MYO16: variants seen among roughly 807,000 people sequenced by gnomAD.
MYO16 encodes myosin XVI, also known as unconventional myosin-XVI.
In MYO16, 94 loss-of-function variants were observed where a neutral mutation model predicts 205.3. The observed-to-expected ratio is 0.46, with a 90% confidence interval of 0.39 to 0.54. The LOEUF (loss-of-function observed/expected upper bound fraction) is 0.54. Ranked by LOEUF, MYO16 falls within the 20% of genes least tolerant of loss-of-function variation. The pLI is 0.00. For synonymous variants in MYO16, 988 were observed against 954.0 expected (o/e 1.04, Z -0.66); for missense variants, 2,315 against 2,387.5 (o/e 0.97, Z 0.63).
At chr13:108,625,223 C>T (rs1422573897), upstream of MYO16, among the ~76,000 whole-genome samples, 1 of 152,162 alleles carries the variant, frequency 6.6e-6, no homozygotes, top group Non-Finnish European at 1.5e-5. Context: ...CTGAAGTGAA[C>T]ACACAGCCCT....
chr13:108,696,027 T>A (rs1338722295), intron 2 of MYO16, among the ~76,000 whole-genome samples: 1 of 152,216 alleles, frequency 6.6e-6, no homozygotes, highest in Non-Finnish European at 1.5e-5. Flanking sequence ...GAGTGGTTTT[T>A]TCAATTGTTT....
At chr13:108,896,915 T>C (rs1880442638) in intron 14 of MYO16, among the ~76,000 whole-genome samples, 1 of 150,906 alleles carries the variant, frequency 6.6e-6, no homozygotes, top group South Asian at 2.1e-4. Context: ...GAGGTTGCAG[T>C]AAGCCGAGAT....
At chr13:109,062,839 A>G (rs1208179530) in intron 27 of MYO16, among the ~76,000 whole-genome samples, 1 of 152,090 alleles carries the variant, frequency 6.6e-6, no homozygotes, top group African/African-American at 2.4e-5. Context: ...ATTTAATAGA[A>G]ATTTTTGGTT....
chr13:108,551,763 C>G, the MYO16 span, among the ~76,000 whole-genome samples: 470 of 152,280 alleles, frequency 3.1e-3, 7 homozygotes, highest in South Asian at 0.05. Flanking sequence ...CTTATCACTT[C>G]ACAACTAACA....
At chr13:108,948,571 C>T (rs1303467224) in intron 16 of MYO16, among the ~76,000 whole-genome samples, 3 of 152,226 alleles carry the variant, frequency 2.0e-5, no homozygotes. Context: ...AGGGAGAGCA[C>T]ACAGGCCTTT....
chr13:109,090,088 T>C (rs1888570739), intron 27 of MYO16, among the ~76,000 whole-genome samples: 2 of 152,180 alleles, frequency 1.3e-5, no homozygotes, highest in Non-Finnish European at 2.9e-5. Flanking sequence ...TAAAAGACGA[T>C]AGCAGCCTGT....
chr13:108,585,964 T>TAACCCCCC, the MYO16 span, among the ~76,000 whole-genome samples: 3 of 151,940 alleles, frequency 2.0e-5, no homozygotes, highest in Admixed American at 6.6e-5. Context: ...CAAAATATTT[T>TAACCCCCC]AAGACTTGAT....
chr13:109,117,414 ATATATG>A (rs1352067179), intron 28 of MYO16, among the ~76,000 whole-genome samples: 1 of 140,268 alleles, frequency 7.1e-6, no homozygotes, highest in Non-Finnish European at 1.6e-5. Context: ...ATATATGTGT[ATATATG>A]TATATGTGTA....
At chr13:108,954,912 C>T (rs989789876) in intron 16 of MYO16, among the ~76,000 whole-genome samples, 42 of 152,236 alleles carry the variant, frequency 2.8e-4, no homozygotes, top group African/African-American at 9.4e-4. Context: ...TTTGAGGAGC[C>T]CTAGAAGAAG....
At position 109,055,601 on chromosome 13, in the gene MYO16, T is replaced by G. The variant is rs1341211895; in HGVS notation, c.3335+6T>G. The stretch of plus-strand genomic sequence containing the variant: ...TTCTCGGATTTCCTGTCAAGGTAAA[T>G]TCTTCTGCTCTTAAAATCGTCGTTC... On this transcript the variant is annotated splice_donor_region_variant and intron_variant, in intron 27 of 34. Transcript: ENST00000457511. This position sits in a 1 kb window ranked among gnomAD's most constrained non-coding sequence, Gnocchi z 5.0. 1.2e-6 allele frequency: 2 copies of G among 1,605,424 alleles called. No individual in the cohort carries two copies. Among genetic ancestry groups the G allele is most frequent in the Admixed American group, 3.3e-5 (2 of 59,878 alleles).
intron 34 of MYO16, among the ~76,000 whole-genome samples, chr13:109,188,989 G>C (rs2139938972): frequency 6.6e-6 from 1 of 152,206 alleles, no homozygotes; most frequent in Admixed American, 6.5e-5. Context: ...AGCTACTCGG[G>C]AGGCTGAGGC....
intron 4 of MYO16, among the ~76,000 whole-genome samples, chr13:108,775,409 CATT>C (rs1886092406): frequency 1.3e-5 from 2 of 152,044 alleles, no homozygotes; most frequent in Admixed American, 1.3e-4. Context: ...TTTTAATTCT[CATT>C]ATAAATGGGC....
chr13:108,745,002 A>G (rs1195779145), intron 4 of MYO16, among the ~76,000 whole-genome samples: 1 of 152,234 alleles, frequency 6.6e-6, no homozygotes, highest in Non-Finnish European at 1.5e-5. Flanking sequence ...AAGACAAGCA[A>G]TAAAGTGTCA....
At chr13:108,537,986 T>G in the MYO16 span, among the ~76,000 whole-genome samples, 351 of 152,300 alleles carry the variant, frequency 2.3e-3, 2 homozygotes, top group African/African-American at 8.1e-3. Flanking sequence ...TGTTGCTTGT[T>G]TCTTTTGCTG....
At chr13:109,059,513 A>T (rs1887516627) in intron 27 of MYO16, among the ~76,000 whole-genome samples, 1 of 152,146 alleles carries the variant, frequency 6.6e-6, no homozygotes, top group Non-Finnish European at 1.5e-5. Context: ...ACCATGCTGT[A>T]AATTGATGTG....
intron 34 of MYO16, among the ~76,000 whole-genome samples, chr13:109,188,662 C>T (rs1016199801): frequency 6.6e-6 from 1 of 152,138 alleles, no homozygotes; most frequent in Non-Finnish European, 1.5e-5. Context: ...GAAGCCAGTC[C>T]GAGTCCCAAA....
chr13:108,930,624 T>C (rs886682527), intron 16 of MYO16, among the ~76,000 whole-genome samples: 2 of 152,160 alleles, frequency 1.3e-5, no homozygotes, highest in Non-Finnish European at 1.5e-5. Context: ...CACAAAAAAA[T>C]TATGCTAAGT....
intron 27 of MYO16, among the ~76,000 whole-genome samples, chr13:109,073,268 A>ATT (rs5806778): frequency 4.8e-5 from 7 of 146,430 alleles, no homozygotes; most frequent in South Asian, 2.2e-4. Context: ...CTCCTGGCTA[A>ATT]TTTTTTTTTT....
the MYO16 span, among the ~76,000 whole-genome samples, chr13:108,535,926 T>C: frequency 6.6e-6 from 1 of 152,202 alleles, no homozygotes; most frequent in Non-Finnish European, 1.5e-5. Flanking sequence ...TTTTAGGAGA[T>C]GTCCAGCTGA....
Sources: gnomAD v4.1 joint callset for allele counts (sites outside exome capture counted in the v4.1 genomes callset) on GRCh38, gnomAD v4.1.1 for gene constraint, Gnocchi (gnomAD v3.1) non-coding constraint, MANE v1.5 for transcripts, NCBI Gene and HGNC (gene_info 2026-07-23, HGNC 2026-07-21) for gene names.